The following TMEM131L variants were observed in gnomAD, a reference collection of about 807,000 sequenced individuals.
The protein encoded by TMEM131L is transmembrane protein 131-like.
A neutral mutation model predicts 192.2 loss-of-function variants in TMEM131L; 54 were observed. The observed-to-expected ratio is 0.28, with a 90% CI of 0.23 to 0.35. TMEM131L has a LOEUF of 0.35. Ranked by LOEUF, TMEM131L falls within the 10% of genes least tolerant of loss-of-function variation. The probability of loss-of-function intolerance (pLI) is 1.00; values close to 1 mark genes in which losing one functional copy is unlikely to be tolerated. For missense variants in TMEM131L, 1,888 were observed against 1,972.9 expected (o/e 0.96, Z 0.82); for synonymous variants, 701 against 704.9 (o/e 0.99, Z 0.09).
intron 28 of TMEM131L, 38 bp from the exon 29 acceptor site, chr4:153,622,859 GT>G: frequency 6.3e-7 from 1 of 1,598,624 alleles, no homozygotes; most frequent in Non-Finnish European, 8.6e-7. Flanking sequence ...GAGGTTGACA[GT>G]TGTTTCAGGG....
Position 153,581,451 on chromosome 4 carries a change from C to G in TMEM131L, c.783C>G (p.Ser261Arg). ...ATGATGTTTTGCGTCTACAAATGAG[C>G]ATAATGGTAACAATGGAAAACTTTT... is the stretch of plus-strand genomic sequence containing the variant. ...ESDDVLRLQM[S>R]IMVTMENFSK... The change falls in exon 9 of 35, where the codon AGC becomes AGG. Residue 261 changes from serine to arginine, a missense_variant. Coordinates refer to ENST00000409959, the MANE Select transcript of TMEM131L (RefSeq NM_001131007.2). 6.3e-7 allele frequency: 1 copy of G among 1,592,142 alleles called. No individual in the cohort carries two copies. Among genetic ancestry groups the G allele is most frequent in the South Asian group, 1.1e-5 (1 of 87,988 alleles).
chr4:153,611,373 T>A (rs1732600772), intron 25 of TMEM131L, among the ~76,000 whole-genome samples: 1 of 152,268 alleles, frequency 6.6e-6, no homozygotes, highest in Non-Finnish European at 1.5e-5. Context: ...TAACTTTGAC[T>A]GTAAAACTAA....
At position 153,532,609 on chromosome 4, in the gene TMEM131L, CT is replaced by C. The variant is rs1355380217; in HGVS notation, c.240-17460del. Among the ~76,000 whole-genome samples the C allele has an allele frequency of 2.0e-4, 31 of 151,678 alleles. No homozygotes were observed. The Middle Eastern group carries it at 0.01, about 50-fold the overall frequency. ...TCCCTCCTAAAATAACCTGTTGGTT[CT>C]TTTATAAAGAAAATGTAGTTTGTAC... On this transcript the variant is annotated intron_variant, in intron 3 of 34. Transcript: ENST00000409959.
intron 9 of TMEM131L, among the ~76,000 whole-genome samples, chr4:153,581,884 C>G (rs1730363816): frequency 1.3e-5 from 2 of 152,162 alleles, no homozygotes; most frequent in Non-Finnish European, 2.9e-5. Context: ...TTTCTTGTTC[C>G]ACTTTTAATG....
chr4:153,541,381 G>T (rs1451897271), intron 3 of TMEM131L, among the ~76,000 whole-genome samples: 1 of 152,208 alleles, frequency 6.6e-6, no homozygotes, highest in Non-Finnish European at 1.5e-5. Context: ...GAATGTGGGG[G>T]TGAGGGACAG....
intron 10 of TMEM131L, 87 bp from the exon 11 acceptor site, chr4:153,583,477 T>G (rs771074531): frequency 2.2e-6 from 2 of 928,668 alleles, no homozygotes; most frequent in Non-Finnish European, 3.5e-6. Flanking sequence ...ATGGCTGGTC[T>G]GTGCTATTTA....
At chr4:153,487,007 T>G (rs1253966635) in intron 3 of TMEM131L, among the ~76,000 whole-genome samples, 1 of 152,136 alleles carries the variant, frequency 6.6e-6, no homozygotes, top group African/African-American at 2.4e-5. Flanking sequence ...TCAGCATCGC[T>G]TGGGAACTCG....
In TMEM131L at chr4:153,471,469, C is replaced by T. The variant is rs567003489; in HGVS notation, c.196-2376C>T. ...GGAGAGGCAGTTGTCAGTGTCTTGC[C>T]GAGTTCCCCTATTTATGAGGTTGGC... On this transcript the variant is annotated intron_variant, in intron 2 of 34. Transcript: ENST00000409959. Among the ~76,000 whole-genome samples, 9 of 152,230 alleles carry T rather than the reference C, an allele frequency of 5.9e-5. No homozygotes were observed. In the South Asian group the frequency reaches 1.5e-3, roughly 25 times the overall value.
At chr4:153,572,993 C>A (rs895575539) in intron 7 of TMEM131L, among the ~76,000 whole-genome samples, 3 of 152,198 alleles carry the variant, frequency 2.0e-5, no homozygotes, top group Non-Finnish European at 4.4e-5. Flanking sequence ...TTTCATTTTG[C>A]ATAATGTCTT....
chr4:153,531,244 G>C (rs1364715939), intron 3 of TMEM131L, among the ~76,000 whole-genome samples: 1 of 152,174 alleles, frequency 6.6e-6, no homozygotes, highest in African/African-American at 2.4e-5. Flanking sequence ...ATTCTGATAC[G>C]GGGGAAGTGC....
intron 3 of TMEM131L, among the ~76,000 whole-genome samples, chr4:153,494,142 C>T (rs1319798814): frequency 2.0e-5 from 3 of 151,922 alleles, no homozygotes; most frequent in African/African-American, 4.8e-5. Flanking sequence ...GTACCTATCT[C>T]GTAAGGTAAG....
At chr4:153,598,492 T>A in intron 20 of TMEM131L, 98 bp from the exon 21 acceptor site, 1 of 1,123,736 alleles carries the variant, frequency 8.9e-7, no homozygotes, top group Non-Finnish European at 1.3e-6. Flanking sequence ...CAAAAAAGTT[T>A]AAAAATATTC....
At position 153,596,392 on chromosome 4, in the gene TMEM131L, G is replaced by T. The variant is rs1286027847; in HGVS notation, c.2123+7G>T. ...CCTCACTCATACTAATCCGGTAGGT[G>T]TGTTCCTGTTGTAGAATCTGTTTCT... On this transcript the variant is annotated splice_region_variant and intron_variant, in intron 20 of 34. Transcript: ENST00000409959. The T allele has an allele frequency of 1.9e-6, 3 of 1,612,956 alleles. No homozygotes were observed. The highest frequency in any genetic ancestry group is 3.3e-5 in the Admixed American group (2 of 59,968).
rs1386939490 is a variant in TMEM131L, at chr4:153,586,306, C to A, written c.1409C>A (p.Thr470Asn). The change falls in exon 14 of 35, where the codon ACC becomes AAC. Residue 470 changes from threonine to asparagine, a missense_variant. By Grantham distance (65) the Thr-to-Asn change is moderately conservative (BLOSUM62 0). Coordinates refer to ENST00000409959, the MANE Select transcript of TMEM131L (RefSeq NM_001131007.2). Reference sequence around the variant, plus strand: ...AAAGACATTGCCATAAATCTATTCACCAATGTATTTTTGACTACAAACATA... The same window carrying A: ...AAAGACATTGCCATAAATCTATTCAACAATGTATTTTTGACTACAAACATA... ...AVKDIAINLF[T>N]NVFLTTNIGA... is the part of the protein sequence containing the mutation. 1.7e-5 allele frequency: 27 copies of A among 1,604,506 alleles called. No homozygotes were observed. The highest frequency in any genetic ancestry group is 2.3e-5 in the Non-Finnish European group (27 of 1,176,296).
intron 11 of TMEM131L, among the ~76,000 whole-genome samples, chr4:153,584,377 A>T (rs1025286136): frequency 3.3e-5 from 5 of 152,304 alleles, no homozygotes; most frequent in African/African-American, 7.2e-5. Context: ...ATATAACTTT[A>T]AAAAAGTTGG....
intron 7 of TMEM131L, among the ~76,000 whole-genome samples, chr4:153,563,760 C>T (rs530765583): frequency 6.6e-6 from 1 of 152,208 alleles, no homozygotes; most frequent in South Asian, 2.1e-4. Flanking sequence ...AACCACCACG[C>T]CTGGCCTGGA....
intron 30 of TMEM131L, among the ~76,000 whole-genome samples, chr4:153,626,625 G>A (rs551014406): frequency 4.1e-4 from 62 of 152,280 alleles, no homozygotes; most frequent in African/African-American, 1.4e-3. Context: ...TAAATTAGGC[G>A]TAGCGGCGCA....
intron 15 of TMEM131L, among the ~76,000 whole-genome samples, chr4:153,588,213 A>G (rs1203539268): frequency 6.6e-6 from 1 of 150,928 alleles, no homozygotes; most frequent in Non-Finnish European, 1.5e-5. Context: ...AGATGGTGCT[A>G]GTTGTGATTT....
intron 4 of TMEM131L, among the ~76,000 whole-genome samples, chr4:153,553,692 G>C (rs903944113): frequency 2.6e-5 from 4 of 152,088 alleles, no homozygotes; most frequent in Non-Finnish European, 4.4e-5. Flanking sequence ...ATTTTCCTGG[G>C]GGGTTGTAAA....
Sources: allele counts gnomAD v4.1 joint callset (sites outside exome capture counted in the v4.1 genomes callset), GRCh38; gene constraint gnomAD v4.1.1; transcripts MANE v1.5; gene names NCBI Gene and HGNC (gene_info 2026-07-23, HGNC 2026-07-21).